AP3D1: variants seen among roughly 807,000 people sequenced by gnomAD.
The protein encoded by AP3D1 is AP-3 complex subunit delta-1.
AP3D1 carries 51 observed loss-of-function variants against 147.6 expected under a neutral mutation model. That is an observed-to-expected ratio of 0.35 (90% CI 0.28 to 0.44). The LOEUF is 0.44. Ranked by LOEUF, AP3D1 falls within the 20% of genes least tolerant of loss-of-function variation. AP3D1 has a pLI of 1.00. For missense variants in AP3D1, 1,421 were observed against 1,624.2 expected (o/e 0.87, Z 2.15); for synonymous variants, 760 against 663.0 (o/e 1.15, Z -2.25).
chr19:2,164,579 A>T (rs1369051346), upstream of AP3D1: 2 of 217,158 alleles, frequency 9.2e-6, no homozygotes, highest in African/African-American at 4.7e-5. Context: ...CCGCGTTTTG[A>T]CTGGAAGCCC....
intron 10 of AP3D1, 134 bp downstream of exon 10, chr19:2,123,696 C>A: frequency 9.0e-7 from 1 of 1,107,410 alleles, no homozygotes; most frequent in Non-Finnish European, 1.3e-6. Context: ...CAGGACGCGG[C>A]TGTGCCCTCC....
chr19:2,157,303 G>A (rs1263305120), intron 1 of AP3D1, among the ~76,000 whole-genome samples: 6 of 150,824 alleles, frequency 4.0e-5, no homozygotes, highest in Admixed American at 2.6e-4. Flanking sequence ...TTAGCCGGGC[G>A]TAGTGGCGGG....
intron 16 of AP3D1, chr19:2,117,003 G>A (rs1465475599): frequency 1.3e-6 from 1 of 798,788 alleles, no homozygotes; most frequent in Non-Finnish European, 1.9e-6. Flanking sequence ...AAGGGTGGGA[G>A]CAGGCCCACT....
chr19:2,154,154 G>A (rs932739957), upstream of AP3D1, among the ~76,000 whole-genome samples: 2 of 151,988 alleles, frequency 1.3e-5, no homozygotes, highest in Admixed American at 6.6e-5. Context: ...CACCATGTTG[G>A]CCAGGCTGGC....
chr19:2,150,244 C>G (rs914963812), intron 1 of AP3D1, among the ~76,000 whole-genome samples: 3 of 152,164 alleles, frequency 2.0e-5, no homozygotes, highest in African/African-American at 7.2e-5. Context: ...CAGACGGCGG[C>G]TCTCTTTCAG....
At chr19:2,121,434 C>A in intron 12 of AP3D1, 123 bp from the exon 13 acceptor site, 2 of 1,310,886 alleles carry the variant, frequency 1.5e-6, no homozygotes, top group Non-Finnish European at 2.1e-6. Flanking sequence ...ATTCACAGAT[C>A]GATGCCAGGG....
At chr19:2,144,131 AGGAAAG>A (rs564128438) in intron 1 of AP3D1, among the ~76,000 whole-genome samples, 253 of 152,076 alleles carry the variant, frequency 1.7e-3, no homozygotes, top group Non-Finnish European at 3.3e-3. Context: ...TAACTGAGTC[AGGAAAG>A]GGGACGCGCC....
At chr19:2,130,579 C>T (rs1285580937) in intron 5 of AP3D1, 42 bp from the exon 6 acceptor site, 1 of 1,607,768 alleles carries the variant, frequency 6.2e-7, no homozygotes, top group Admixed American at 1.7e-5. Context: ...CTTTCTGCGC[C>T]TCATCCCTGC....
chr19:2,144,379 G>T (rs2019303540), intron 1 of AP3D1, among the ~76,000 whole-genome samples: 1 of 152,178 alleles, frequency 6.6e-6, no homozygotes, highest in African/African-American at 2.4e-5. Context: ...CGGCCACCCT[G>T]AGGCAGCATG....
In AP3D1 at chr19:2,114,273, A is replaced by G. The variant is rs2018375495; in HGVS notation, c.2453T>C (p.Ile818Thr). ...KPLADSEKLP[I>T]QKHRNTETSK... ...GGTCTCGGTGTTTCTGTGTTTCTGAATAGGCAGTTTCTCGCTGTCGGCTAA... is the reference window on the plus strand; with the variant it reads ...GGTCTCGGTGTTTCTGTGTTTCTGAGTAGGCAGTTTCTCGCTGTCGGCTAA... The change falls in exon 22 of 32, where the codon ATT (isoleucine) becomes ACT (threonine). Residue 818 changes from isoleucine to threonine, a missense_variant. By Grantham distance (89) the Ile-to-Thr change is moderately conservative. This residue lies in a region of AP3D1 where 791 missense variants were observed against 761.4 expected (regional missense o/e 1.04). Transcript: ENST00000643116. 1 of 1,611,934 alleles carries G rather than the reference A, an allele frequency of 6.2e-7. No individual in the cohort carries two copies. The highest frequency in any genetic ancestry group is 8.5e-7 in the Non-Finnish European group (1 of 1,179,468).
At chr19:2,146,806 G>A (rs985180452) in intron 1 of AP3D1, among the ~76,000 whole-genome samples, 15 of 152,072 alleles carry the variant, frequency 9.9e-5, no homozygotes, top group African/African-American at 2.9e-4. Context: ...ACCATCAAGG[G>A]GGGTCAGGGG....
intron 8 of AP3D1, 41 bp from the exon 9 acceptor site, chr19:2,127,242 G>A (rs2018782444): frequency 1.2e-6 from 2 of 1,604,354 alleles, no homozygotes; most frequent in Non-Finnish European, 1.7e-6. Flanking sequence ...AGGACTGGGG[G>A]CCTCGTCAGA....
At chr19:2,117,471 C>A in intron 15 of AP3D1, 104 bp from the exon 16 acceptor site, 1 of 1,275,750 alleles carries the variant, frequency 7.8e-7, no homozygotes, top group East Asian at 2.8e-5. Flanking sequence ...ACGTGTGGGC[C>A]CCCTGGTACA....
At position 2,101,058 on chromosome 19, in the gene AP3D1, C is replaced by CTCTCT. The variant is rs1219402424; in HGVS notation, c.*1110_*1114dup. On this transcript the variant is annotated 3_prime_UTR_variant, in exon 32 of 32. Coordinates refer to ENST00000643116, the MANE Select transcript of AP3D1 (RefSeq NM_001261826.3). Reference sequence around the variant, plus strand: ...ATCATGACAGCAGCGTGATATGTCTCTCTCTTTATACGGGAATGTCGATAG... The same window carrying CTCTCT: ...ATCATGACAGCAGCGTGATATGTCTCTCTCTTCTCTTTATACGGGAATGTCGATAG... 4 of 152,672 alleles carry CTCTCT rather than the reference C, an allele frequency of 2.6e-5. No individual in the cohort carries two copies. In the East Asian group the frequency reaches 7.7e-4, roughly 29 times the overall value. The allele number at this position is 152,672 out of a possible 1,614,324, so 9.5% of individuals were successfully genotyped here. A position where few individuals can be genotyped will look rare whatever the true frequency, so the allele number is the denominator to read the frequency against.
At chr19:2,138,578 A>G (rs1403697841) in intron 2 of AP3D1, 41 bp downstream of exon 2, 2 of 1,464,030 alleles carry the variant, frequency 1.4e-6, no homozygotes, top group African/African-American at 2.8e-5. Flanking sequence ...GTGGAGAAGC[A>G]GCCCGACAGT....
At chr19:2,156,003 C>A (rs897870084), upstream of AP3D1, among the ~76,000 whole-genome samples, 1 of 147,742 alleles carries the variant, frequency 6.8e-6, no homozygotes, top group Non-Finnish European at 1.5e-5. Flanking sequence ...CAGTGAGCCA[C>A]GATTGCGCCA....
At chr19:2,124,180 C>T (rs1161871886) in intron 9 of AP3D1, among the ~76,000 whole-genome samples, 2 of 152,238 alleles carry the variant, frequency 1.3e-5, no homozygotes, top group Non-Finnish European at 2.9e-5. Context: ...AGTCTGGAAT[C>T]CCGGCAGGGG....
chr19:2,148,662 G>A (rs977891091), intron 1 of AP3D1, among the ~76,000 whole-genome samples: 2 of 152,188 alleles, frequency 1.3e-5, no homozygotes, highest in African/African-American at 4.8e-5. Flanking sequence ...TACAAGGGAG[G>A]AGACAGAGCA....
rs2017966325 is a variant in AP3D1, at chr19:2,101,993, G to A, written c.*180C>T. 1.7e-6 allele frequency: 1 copy of A among 591,854 alleles called. No individual in the cohort carries two copies. Among genetic ancestry groups the A allele is most frequent in the Non-Finnish European group, 3.0e-6 (1 of 336,574 alleles). 36.7% of individuals were successfully genotyped at this position (591,854 alleles called of 1,614,324 possible). A position where few individuals can be genotyped will look rare whatever the true frequency, so the allele number is the denominator to read the frequency against. The stretch of plus-strand genomic sequence containing the variant: ...GAATGGGAAGAGTCACAGTAAAAAA[G>A]GATGGTCAGATAATTCAACGCAACA... On this transcript the variant is annotated 3_prime_UTR_variant, in exon 32 of 32. Transcript: ENST00000643116.
Sources: gnomAD v4.1 joint callset for allele counts (sites outside exome capture counted in the v4.1 genomes callset) on GRCh38, gnomAD v4.1.1 for gene constraint, gnomAD v4.1.1 regional missense constraint, MANE v1.5 for transcripts, NCBI Gene and HGNC (gene_info 2026-07-23, HGNC 2026-07-21) for gene names.